CD38: variants seen among roughly 807,000 people sequenced by gnomAD.
The protein encoded by CD38 is ADP-ribosyl cyclase/cyclic ADP-ribose hydrolase 1.
In CD38, 31 loss-of-function variants were observed where a neutral mutation model predicts 36.3. The ratio of observed to expected loss-of-function variants is 0.85; its 90% CI spans 0.64 to 1.15. The LOEUF (loss-of-function observed/expected upper bound fraction) is 1.15, where lower values mean the gene tolerates loss of function less well. Among genes scored for constraint, CD38 ranks in the 50% most tolerant of loss-of-function variants. The pLI is 0.00. For synonymous variants in CD38, 131 were observed against 135.2 expected, an observed-to-expected ratio of 0.97 and a Z score of 0.22; for missense variants, 380 against 371.9, an observed-to-expected ratio of 1.02 and a Z score of -0.18.
Position 15,778,764 on chromosome 4 carries a change from G to T in CD38, c.233+117G>T, listed in dbSNP as rs972158924. 1.4e-6 allele frequency: 1 copy of T among 726,590 alleles called. No homozygotes were observed. The highest frequency in any genetic ancestry group is 1.8e-5 in the African/African-American group (1 of 56,310). The allele number at this position is 726,590 out of a possible 1,614,324, so 45.0% of individuals were successfully genotyped here. A position where few individuals can be genotyped will look rare whatever the true frequency, so the allele number is the denominator to read the frequency against. On this transcript the variant is annotated intron_variant, in intron 1 of 7. Coordinates refer to ENST00000226279, the MANE Select transcript of CD38 (RefSeq NM_001775.4). This position sits in a 1 kb window ranked among gnomAD's most constrained non-coding sequence, Gnocchi z 4.9. ...ATCTTCCGTGGCGGGTCAGCCGAGA[G>T]CCCGCCGGGTGGTGCTGAGTAGGGA...
rs114404632 is a variant in CD38 at position 15,816,973 on chromosome 4, C to T, written c.363+333C>T. ...ATATAATAACAAAACTTTCCCCTGA[C>T]CTATGATAATAATAGTAGTAGTAGT... On this transcript the variant is annotated intron_variant, in intron 2 of 7. Coordinates refer to ENST00000226279, the MANE Select transcript of CD38 (RefSeq NM_001775.4). Among the ~76,000 whole-genome samples, 1,119 of 152,304 alleles carry T rather than the reference C, an allele frequency of 7.3e-3. 12 individuals carry two copies. The highest frequency in any genetic ancestry group is 0.026 in the African/African-American group (1,066 of 41,564).
At chr4:15,815,502 G>A (rs1723576892) in intron 1 of CD38, among the ~76,000 whole-genome samples, 1 of 151,916 alleles carries the variant, frequency 6.6e-6, no homozygotes, top group South Asian at 2.1e-4. Context: ...TGTATTCCTA[G>A]GTATTTTATT....
chr4:15,811,968 C>T (rs1322388516), intron 1 of CD38, among the ~76,000 whole-genome samples: 1 of 152,166 alleles, frequency 6.6e-6, no homozygotes, highest in East Asian at 1.9e-4. Context: ...AGGTTCCAGT[C>T]ATGTCTTGAC....
At position 15,825,043 on chromosome 4, in the gene CD38, C is replaced by A; in HGVS notation, c.499+27C>A. 1.9e-6 allele frequency: 3 copies of A among 1,583,564 alleles called. No homozygotes were observed. The South Asian group carries it at 3.4e-5, about 18-fold the overall frequency. Reference sequence around the variant, plus strand: ...TGAGGCTCTGGGCCCTGTGGGATTGCCCAGGGATGTGGAGGGTGAACAGAG... The same window carrying A: ...TGAGGCTCTGGGCCCTGTGGGATTGACCAGGGATGTGGAGGGTGAACAGAG... On this transcript the variant is annotated intron_variant, in intron 3 of 7. Coordinates refer to ENST00000226279, the MANE Select transcript of CD38 (RefSeq NM_001775.4).
rs200374274 is a variant in CD38, at chr4:15,801,487, C to CA, written c.234-15017dup. Among the ~76,000 whole-genome samples the CA allele has an allele frequency of 9.6e-3, 1,452 of 151,920 alleles. 18 individuals are homozygous for CA. The highest frequency in any genetic ancestry group is 0.031 in the African/African-American group (1,272 of 41,482). On this transcript the variant is annotated intron_variant, in intron 1 of 7. Coordinates refer to ENST00000226279, the MANE Select transcript of CD38 (RefSeq NM_001775.4). ...ACAAAACCAGACAAGGATACAACAA[C>CA]AAAAAAAGAATTTTGCAGGCCAGTA... is the stretch of plus-strand genomic sequence containing the variant.
At chr4:15,821,665 C>A (rs1351984385) in intron 2 of CD38, among the ~76,000 whole-genome samples, 1 of 130,676 alleles carries the variant, frequency 7.7e-6, no homozygotes, top group Non-Finnish European at 1.6e-5. Context: ...ATAACAAGTT[C>A]TATAATTGAG....
rs1395839140 is a variant in CD38 at position 15,785,636 on chromosome 4, T to C, written c.233+6989T>C. On this transcript the variant is annotated intron_variant, in intron 1 of 7. Coordinates refer to ENST00000226279, the MANE Select transcript of CD38 (RefSeq NM_001775.4). ...GAAAAACAGCTGCCAAATGTCAGTT[T>C]AGATATTTTGGAGGGAAAAAAGTTG... Among the ~76,000 whole-genome samples the C allele has an allele frequency of 5.3e-5, 8 of 152,210 alleles. 1 individual carries two copies. Among genetic ancestry groups the C allele is most frequent in the Admixed American group, 1.3e-4 (2 of 15,280 alleles).
intron 1 of CD38, among the ~76,000 whole-genome samples, chr4:15,812,789 C>G (rs1431497637): frequency 6.6e-6 from 1 of 152,156 alleles, no homozygotes; most frequent in African/African-American, 2.4e-5. Context: ...TACTTTGTAA[C>G]AGTGTTGTGT....
chr4:15,786,639 C>T (rs1257023971), intron 1 of CD38, among the ~76,000 whole-genome samples: 1 of 152,218 alleles, frequency 6.6e-6, no homozygotes, highest in Admixed American at 6.5e-5. Flanking sequence ...TTCTCCAAGT[C>T]CCCACTAGAC....
intron 1 of CD38, among the ~76,000 whole-genome samples, chr4:15,779,511 G>T (rs926256591): frequency 6.6e-6 from 1 of 150,568 alleles, no homozygotes; most frequent in African/African-American, 2.5e-5. Context: ...AGGCAGGCAG[G>T]GGGAGCTGCT....
At chr4:15,790,893 C>T (rs1722962203) in intron 1 of CD38, among the ~76,000 whole-genome samples, 1 of 150,462 alleles carries the variant, frequency 6.6e-6, no homozygotes, top group Non-Finnish European at 1.5e-5. Flanking sequence ...TGAGGAGTGT[C>T]TCTGCCCGGC....
At chr4:15,782,967 G>A (rs950903002) in intron 1 of CD38, among the ~76,000 whole-genome samples, 1 of 152,158 alleles carries the variant, frequency 6.6e-6, no homozygotes, top group Non-Finnish European at 1.5e-5. Flanking sequence ...AGTGTGGGTA[G>A]GTGAGTATTG....
chr4:15,790,600 C>T (rs6831549), intron 1 of CD38, among the ~76,000 whole-genome samples: 3,866 of 151,408 alleles, frequency 0.026, 86 homozygotes, highest in African/African-American at 0.089. Context: ...GCCGCCACCC[C>T]GTCTGGGAAG....
chr4:15,787,363 T>C (rs762771944), intron 1 of CD38, among the ~76,000 whole-genome samples: 7 of 152,162 alleles, frequency 4.6e-5, no homozygotes, highest in Non-Finnish European at 7.4e-5. Context: ...AGAATGAAAA[T>C]GTGGGGCTCA....
intron 1 of CD38, among the ~76,000 whole-genome samples, chr4:15,810,058 A>C (rs190805996): frequency 6.6e-6 from 1 of 152,314 alleles, no homozygotes; most frequent in African/African-American, 2.4e-5. Flanking sequence ...GCTCGGATTC[A>C]TAAGATGTAG....
At chr4:15,826,798 A>G (rs1284031934) in intron 3 of CD38, among the ~76,000 whole-genome samples, 1 of 152,146 alleles carries the variant, frequency 6.6e-6, no homozygotes, top group Non-Finnish European at 1.5e-5. Flanking sequence ...ATTTACCTAT[A>G]TCCCCACTAA....
At chr4:15,816,129 G>C (rs1268528079) in intron 1 of CD38, among the ~76,000 whole-genome samples, 1 of 152,144 alleles carries the variant, frequency 6.6e-6, no homozygotes, top group Non-Finnish European at 1.5e-5. Flanking sequence ...TGATCGTGGT[G>C]GATAAGCTTT....
At chr4:15,786,094 G>A (rs1400448200) in intron 1 of CD38, among the ~76,000 whole-genome samples, 2 of 152,194 alleles carry the variant, frequency 1.3e-5, no homozygotes, top group African/African-American at 4.8e-5. Flanking sequence ...TTCGTGGTGA[G>A]TGTTACAGCT....
intron 1 of CD38, among the ~76,000 whole-genome samples, chr4:15,808,975 G>A (rs570941366): frequency 7.4e-4 from 113 of 152,316 alleles, no homozygotes; most frequent in Non-Finnish European, 1.3e-3. Flanking sequence ...GACTTGGACA[G>A]GACAAGATGC....
Sources: gnomAD v4.1 joint callset for allele counts (sites outside exome capture counted in the v4.1 genomes callset) on GRCh38, gnomAD v4.1.1 for gene constraint, Gnocchi (gnomAD v3.1) non-coding constraint, MANE v1.5 for transcripts, NCBI Gene and HGNC (gene_info 2026-07-23, HGNC 2026-07-21) for gene names.